Variants in SLC28A1 observed in about 807,000 individuals in gnomAD.
SLC28A1 encodes the protein solute carrier family 28 member 1.
A neutral mutation model predicts 74.8 loss-of-function variants in SLC28A1; 64 were observed. That is an observed-to-expected ratio of 0.86 (90% CI 0.70 to 1.05). SLC28A1 has a LOEUF of 1.05. Ranked by LOEUF, SLC28A1 falls within the 50% of genes least tolerant of loss-of-function variation. The pLI is 0.00. For missense variants in SLC28A1, 828 were observed against 822.8 expected (o/e 1.01, Z -0.08); for synonymous variants, 359 against 335.0 (o/e 1.07, Z -0.78).
intron 9 of SLC28A1, among the ~76,000 whole-genome samples, chr15:84,911,549 C>T (rs1205866408): frequency 2.0e-5 from 3 of 152,090 alleles, no homozygotes; most frequent in Non-Finnish European, 4.4e-5. Context: ...CTCTGAATAA[C>T]AAAAATGATC....
chr15:84,895,870 C>T, intron 6 of SLC28A1: 1 of 1,059,416 alleles, frequency 9.4e-7, no homozygotes, highest in Non-Finnish European at 1.1e-6. Flanking sequence ...AAGACTAAGT[C>T]AGGGGGATGC....
chr15:84,938,080 A>G (rs559103420), intron 15 of SLC28A1, among the ~76,000 whole-genome samples: 41 of 151,726 alleles, frequency 2.7e-4, no homozygotes, highest in Non-Finnish European at 4.7e-4. Flanking sequence ...GGCGCATGTA[A>G]TCCCAGCTAC....
At chr15:84,946,773 C>T (rs1383238432), downstream of SLC28A1, among the ~76,000 whole-genome samples, 1 of 152,128 alleles carries the variant, frequency 6.6e-6, no homozygotes, top group Non-Finnish European at 1.5e-5. Context: ...AGGTGAGGCC[C>T]GATGTCCCTC....
chr15:84,940,033 G>GC (rs1972462453), intron 15 of SLC28A1, among the ~76,000 whole-genome samples: 3 of 152,190 alleles, frequency 2.0e-5, no homozygotes, highest in Non-Finnish European at 4.4e-5. Flanking sequence ...TCGCCGTATT[G>GC]CCCAAGTTGG....
At chr15:84,904,062 G>A in intron 6 of SLC28A1, 35 bp from the exon 7 acceptor site, 1 of 1,614,076 alleles carries the variant, frequency 6.2e-7, no homozygotes, top group Non-Finnish European at 8.5e-7. Flanking sequence ...GGGGTGCAAT[G>A]CTGAGGGTAA....
chr15:84,963,505 G>A, the SLC28A1 span, among the ~76,000 whole-genome samples: 2 of 152,200 alleles, frequency 1.3e-5, no homozygotes, highest in South Asian at 2.1e-4. Context: ...TGGTGGACAC[G>A]TGGCGGAGGG....
chr15:84,922,197 T>C (rs1969910505), intron 11 of SLC28A1, among the ~76,000 whole-genome samples: 1 of 152,160 alleles, frequency 6.6e-6, no homozygotes, highest in Non-Finnish European at 1.5e-5. Flanking sequence ...TTAAACACTT[T>C]AAATGTCTCT....
At chr15:84,893,622 C>A (rs1279519548) in intron 5 of SLC28A1, among the ~76,000 whole-genome samples, 1 of 152,188 alleles carries the variant, frequency 6.6e-6, no homozygotes, top group Admixed American at 6.5e-5. Flanking sequence ...CTGTCCACTT[C>A]TCCAGCTGGT....
intron 6 of SLC28A1, among the ~76,000 whole-genome samples, chr15:84,900,556 T>C (rs1966570287): frequency 6.6e-6 from 1 of 152,078 alleles, no homozygotes; most frequent in Admixed American, 6.5e-5. Flanking sequence ...TTCAGCACTT[T>C]GTGAGGCTGA....
chr15:84,971,150 ACTGTATCAGT>A, the SLC28A1 span, among the ~76,000 whole-genome samples: 1 of 152,336 alleles, frequency 6.6e-6, no homozygotes, highest in Non-Finnish European at 1.5e-5. Context: ...TGTCAATGAG[ACTGTATCAGT>A]CAGTGGCCAG....
rs555333072 is a variant in SLC28A1, at chr15:84,906,111, C to G, written c.717+459C>G. ...CTTGGCTTGCTGCAACCTCCACCTC[C>G]CTGGTTCAAGCAATTCTCCTGCCTC... On this transcript the variant is annotated intron_variant, in intron 8 of 18. Transcript: ENST00000394573. 1.2e-3 allele frequency among the ~76,000 whole-genome samples: 188 copies of G among 151,238 alleles called. 1 individual carries two copies. The highest frequency in any genetic ancestry group is 4.4e-3 in the African/African-American group (180 of 41,336).
chr15:84,894,395 G>A (rs1323245187), intron 5 of SLC28A1, among the ~76,000 whole-genome samples: 1 of 149,968 alleles, frequency 6.7e-6, no homozygotes, highest in African/African-American at 2.5e-5. Context: ...AAAAATCTAG[G>A]GAGAGACATC....
the SLC28A1 span, among the ~76,000 whole-genome samples, chr15:84,962,207 T>C: frequency 6.6e-6 from 1 of 152,110 alleles, no homozygotes; most frequent in Non-Finnish European, 1.5e-5. Flanking sequence ...CCAGAGTAGC[T>C]GAGACTACAA....
the SLC28A1 span, among the ~76,000 whole-genome samples, chr15:84,955,215 A>G: frequency 6.6e-6 from 1 of 152,206 alleles, no homozygotes; most frequent in Non-Finnish European, 1.5e-5. Flanking sequence ...CTGAGGCCTC[A>G]GACATCATGG....
rs752758888 is a variant in SLC28A1, at chr15:84,945,148, A to C, written c.1898A>C (p.Glu633Ala). 1.4e-5 allele frequency: 23 copies of C among 1,613,956 alleles called. No individual in the cohort carries two copies. The highest frequency in any genetic ancestry group is 2.7e-5 in the African/African-American group (2 of 74,904). ...AGCGTCAATCCAGAGTTCAGCCCAG[A>C]GGCCCTGGACAACTGCTGTCGGTTT... ...FQSVNPEFSP[E>A]ALDNCCRFYN... The change falls in exon 19 of 19, where the codon GAG (glutamate) becomes GCG (alanine). Residue 633 changes from glutamate (E) to alanine (A), a missense_variant. By Grantham distance (107) the Glu-to-Ala change is moderately radical. This residue lies in a region of SLC28A1 where 53 missense variants were observed against 44.5 expected (regional missense o/e 1.19). Transcript: ENST00000394573.
At position 84,887,912 on chromosome 15, in the gene SLC28A1, C is replaced by T. The variant is rs573778269; in HGVS notation, c.96+56C>T. ...CCCCTCAGCCTCTTTGGCTTGAGCC[C>T]GGCTGCCGAGGTGATGAGGCTTTTG... On this transcript the variant is annotated intron_variant, in intron 3 of 18. Coordinates refer to ENST00000394573, the MANE Select transcript of SLC28A1 (RefSeq NM_004213.5). 209 of 1,334,994 alleles carry T rather than the reference C, an allele frequency of 1.6e-4. 2 individuals carry two copies. Among genetic ancestry groups the T allele is most frequent in the South Asian group, 1.2e-3 (106 of 85,346 alleles). The allele number at this position is 1,334,994 out of a possible 1,614,324, so 82.7% of individuals were successfully genotyped here. A position where few individuals can be genotyped will look rare whatever the true frequency, so the allele number is the denominator to read the frequency against.
chr15:84,890,330 T>C, intron 4 of SLC28A1, 113 bp from the exon 5 acceptor site: 1 of 776,748 alleles, frequency 1.3e-6, no homozygotes, highest in Non-Finnish European at 2.2e-6. Context: ...AGGCAAGCCC[T>C]GGCTTGCCCC....
At chr15:84,953,566 C>G in the SLC28A1 span, among the ~76,000 whole-genome samples, 1 of 152,210 alleles carries the variant, frequency 6.6e-6, no homozygotes, top group South Asian at 2.1e-4. Context: ...CTTGTCTCCA[C>G]TAAAAATTTA....
intron 15 of SLC28A1, among the ~76,000 whole-genome samples, chr15:84,942,447 A>G (rs1243753124): frequency 1.3e-5 from 2 of 152,210 alleles, no homozygotes; most frequent in Admixed American, 6.5e-5. Context: ...TTTGGCTCTT[A>G]AAACTTCTTT....
Sources: allele counts gnomAD v4.1 joint callset (sites outside exome capture counted in the v4.1 genomes callset), GRCh38; gene constraint gnomAD v4.1.1; regional missense constraint gnomAD v4.1.1; transcripts MANE v1.5; gene names NCBI Gene and HGNC (gene_info 2026-07-23, HGNC 2026-07-21).